TTK: variants seen among roughly 807,000 people sequenced by gnomAD.
TTK encodes dual specificity protein kinase TTK.
Under a neutral mutation model 117.3 loss-of-function variants are expected in TTK, and 59 were observed. The ratio of observed to expected loss-of-function variants is 0.50; its 90% confidence interval spans 0.41 to 0.62. The LOEUF (loss-of-function observed/expected upper bound fraction) is 0.62. Among genes scored for constraint, TTK ranks in the 20% least tolerant of loss-of-function variants. TTK has a pLI of 0.00. For synonymous variants in TTK, 302 were observed against 325.0 expected (o/e 0.93, Z 0.76); for missense variants, 921 against 989.4 (o/e 0.93, Z 0.93).
At chr6:80,005,485 A>G (rs1422829504) in intron 1 of TTK, among the ~76,000 whole-genome samples, 1 of 152,220 alleles carries the variant, frequency 6.6e-6, no homozygotes, top group Non-Finnish European at 1.5e-5. Flanking sequence ...CTTTATGTCT[A>G]TGTCACTACC....
chr6:80,007,620 A>G, intron 2 of TTK, among the ~76,000 whole-genome samples, 189 bp from the exon 3 acceptor site: 1 of 152,174 alleles, frequency 6.6e-6, no homozygotes, highest in Non-Finnish European at 1.5e-5. Context: ...ATACCTTCAT[A>G]AAAGATAAAT....
At chr6:80,017,194 C>G (rs1767329323) in intron 10 of TTK, among the ~76,000 whole-genome samples, 1 of 152,204 alleles carries the variant, frequency 6.6e-6, no homozygotes, top group South Asian at 2.1e-4. Flanking sequence ...AAAAGATCCT[C>G]CTTTACCTCA....
At chr6:80,014,881 TTA>T (rs1349033193) in intron 10 of TTK, among the ~76,000 whole-genome samples, 1 of 152,170 alleles carries the variant, frequency 6.6e-6, no homozygotes, top group East Asian at 1.9e-4. Context: ...AAAGCTGTTT[TTA>T]TATGACAGCT....
intron 2 of TTK, 31 bp downstream of exon 2, chr6:80,006,013 CTGTT>C (rs1301450157): frequency 5.0e-6 from 8 of 1,591,822 alleles, no homozygotes; most frequent in East Asian, 2.2e-5. Context: ...AAGTTAGTAA[CTGTT>C]TGTTGGGTAT....
intron 11 of TTK, among the ~76,000 whole-genome samples, chr6:80,024,460 T>C (rs1262682308): frequency 6.6e-6 from 1 of 152,160 alleles, no homozygotes; most frequent in Non-Finnish European, 1.5e-5. Flanking sequence ...ACAACATAAG[T>C]GAACATTTAC....
intron 4 of TTK, among the ~76,000 whole-genome samples, chr6:80,010,046 C>A (rs575590962): frequency 1.5e-3 from 225 of 152,126 alleles, no homozygotes; most frequent in African/African-American, 5.2e-3. Flanking sequence ...AGCTAGAGAT[C>A]ATCTCTTAAG....
At chr6:80,010,786 AAAT>A in intron 4 of TTK, 25 bp from the exon 5 acceptor site, 1 of 1,599,262 alleles carries the variant, frequency 6.3e-7, no homozygotes, top group Non-Finnish European at 8.5e-7. Flanking sequence ...TACTGCCTAA[AAAT>A]GACAATTATC....
chr6:80,015,201 G>T (rs1162104339), intron 10 of TTK, among the ~76,000 whole-genome samples: 2 of 151,956 alleles, frequency 1.3e-5, no homozygotes, highest in Non-Finnish European at 2.9e-5. Context: ...GGAAATAATA[G>T]AGTATTTCAG....
intron 9 of TTK, chr6:80,013,599 C>G (rs752493023): frequency 2.9e-6 from 1 of 340,020 alleles, no homozygotes; most frequent in Non-Finnish European, 5.3e-6. Context: ...TTAAGAGAAT[C>G]ATGAAGTAAT....
At chr6:80,013,443 G>T in intron 9 of TTK, 77 bp downstream of exon 9, 1 of 1,200,504 alleles carries the variant, frequency 8.3e-7, no homozygotes, top group South Asian at 1.4e-5. Flanking sequence ...GCTTTTTCTG[G>T]GGAAAGGGTT....
chr6:80,008,369 C>T lies in TTK; in HGVS notation c.363-17C>T. 1.9e-6 allele frequency: 3 copies of T among 1,594,626 alleles called. No individual in the cohort carries two copies. The highest frequency in any genetic ancestry group is 3.3e-4 in the Middle Eastern group (2 of 6,004). On this transcript the variant is annotated splice_polypyrimidine_tract_variant and intron_variant, in intron 3 of 21. Transcript: ENST00000369798. The stretch of plus-strand genomic sequence containing the variant: ...ATGTTCTTTTTCTTAAATTTTGACT[C>T]AAATCTTTTATTACAGTATTCAAGA...
At chr6:80,023,892 G>A (rs932713439) in intron 11 of TTK, among the ~76,000 whole-genome samples, 1 of 152,228 alleles carries the variant, frequency 6.6e-6, no homozygotes, top group African/African-American at 2.4e-5. Flanking sequence ...AGTAGTAGAT[G>A]TAGATAACAA....
chr6:80,029,097 A>G (rs923744012), intron 13 of TTK, among the ~76,000 whole-genome samples: 1 of 152,250 alleles, frequency 6.6e-6, no homozygotes, highest in Non-Finnish European at 1.5e-5. Context: ...TAAAAAACCC[A>G]TGAGTAATTA....
chr6:80,031,687 C>T (rs1481992581), intron 14 of TTK, 128 bp downstream of exon 14: 1 of 538,826 alleles, frequency 1.9e-6, no homozygotes, highest in Non-Finnish European at 3.1e-6. Context: ...GCCAAAAAGC[C>T]ATCTTAACAC....
intron 10 of TTK, among the ~76,000 whole-genome samples, chr6:80,020,042 A>G (rs1214979976): frequency 7.6e-6 from 1 of 131,098 alleles, no homozygotes; most frequent in Non-Finnish European, 1.6e-5. Flanking sequence ...GATTCAACAT[A>G]TACATGTATG....
intron 8 of TTK, among the ~76,000 whole-genome samples, chr6:80,012,212 T>A (rs45575742): frequency 0.024 from 3,595 of 152,126 alleles, 56 homozygotes; most frequent in African/African-American, 0.027. Flanking sequence ...GGAAAAAATA[T>A]TAAGTCAACA....
chr6:80,017,518 A>G (rs547865854), intron 10 of TTK, among the ~76,000 whole-genome samples: 3 of 152,258 alleles, frequency 2.0e-5, no homozygotes, highest in Middle Eastern at 3.4e-3. Flanking sequence ...AGTTCAAGCA[A>G]TCTGCCCACC....
Position 80,036,582 on chromosome 6 carries a change from G to T in TTK, c.2032G>T (p.Val678Phe), listed in dbSNP as rs1473114560. 6.2e-7 allele frequency: 1 copy of T among 1,609,504 alleles called. No individual in the cohort carries two copies. The change falls in exon 17 of 22, where the codon GTT becomes TTT. Residue 678 changes from valine (V) to phenylalanine (F), a missense_variant. Transcript: ENST00000369798. ...ANQMQPDTTSVVKDSQVGTVN... is the reference protein window; with the variant it reads ...ANQMQPDTTSFVKDSQVGTVN... ...CCAAATGCAACCAGATACAACAAGTGTTGTTAAAGATTCTCAGGTAAGACT... is the reference window on the plus strand; with the variant it reads ...CCAAATGCAACCAGATACAACAAGTTTTGTTAAAGATTCTCAGGTAAGACT...
chr6:80,039,695 G>T lies in TTK; in HGVS notation c.2131-1G>T. The T allele has an allele frequency of 6.7e-7, 1 of 1,491,970 alleles. No homozygotes were observed. Among genetic ancestry groups the T allele is most frequent in the South Asian group, 1.5e-5 (1 of 64,894 alleles). The allele number at this position is 1,491,970 out of a possible 1,614,324, so 92.4% of individuals were successfully genotyped here. On this transcript the variant is annotated splice_acceptor_variant, in intron 18 of 21. Coordinates refer to ENST00000369798, the MANE Select transcript of TTK (RefSeq NM_003318.5). LOFTEE classifies it high-confidence loss of function. ...TTTGTGTTTGTTTGTTTTTTTCTTA[G>T]ATAAGCCCCAAAAGTGATGTTTGGT...
Sources: allele counts gnomAD v4.1 joint callset (sites outside exome capture counted in the v4.1 genomes callset), GRCh38; gene constraint gnomAD v4.1.1; transcripts MANE v1.5; gene names NCBI Gene and HGNC (gene_info 2026-07-23, HGNC 2026-07-21).